Variants in GABRB1 observed in about 807,000 individuals in gnomAD.
The protein encoded by GABRB1 is gamma-aminobutyric acid type A receptor subunit beta1.
Under a neutral mutation model 51.6 loss-of-function variants are expected in GABRB1, and 17 were observed. The observed-to-expected ratio is 0.33, with a 90% CI of 0.23 to 0.49. The LOEUF is 0.49. Among genes scored for constraint, GABRB1 ranks in the 20% least tolerant of loss-of-function variants. GABRB1 has a pLI of 0.99. For missense variants in GABRB1, 410 were observed against 600.6 expected (o/e 0.68, Z 3.32); for synonymous variants, 247 against 218.9 (o/e 1.13, Z -1.14).
intron 3 of GABRB1, among the ~76,000 whole-genome samples, chr4:47,116,870 C>A (rs1214973175): frequency 6.6e-6 from 1 of 151,984 alleles, no homozygotes; most frequent in Non-Finnish European, 1.5e-5. Context: ...GGCAGAAGGG[C>A]AAGGGGAAGC....
intron 8 of GABRB1, among the ~76,000 whole-genome samples, 194 bp from the exon 9 acceptor site, chr4:47,425,480 T>TAGATA (rs112418414): frequency 1.2e-3 from 168 of 142,434 alleles, no homozygotes; most frequent in African/African-American, 3.6e-3. Flanking sequence ...TGGATGATGA[T>TAGATA]GATAGATAGA....
chr4:47,340,262 T>A (rs1400092665), intron 5 of GABRB1, among the ~76,000 whole-genome samples: 2 of 152,010 alleles, frequency 1.3e-5, no homozygotes, highest in African/African-American at 2.4e-5. Flanking sequence ...CTACCAACTA[T>A]CTTAGTCTCT....
intron 3 of GABRB1, among the ~76,000 whole-genome samples, chr4:47,052,565 C>A (rs1478837756): frequency 6.6e-6 from 1 of 152,202 alleles, no homozygotes; most frequent in African/African-American, 2.4e-5. Flanking sequence ...CACAGTGTGC[C>A]TTAAGACCCA....
intron 1 of GABRB1, among the ~76,000 whole-genome samples, chr4:46,996,405 G>C (rs1042312860): frequency 6.6e-6 from 1 of 152,104 alleles, no homozygotes; most frequent in African/African-American, 2.4e-5. Context: ...GATATAATAA[G>C]ATGCAAATAA....
At chr4:47,374,855 A>T (rs1016691549) in intron 5 of GABRB1, among the ~76,000 whole-genome samples, 9 of 152,214 alleles carry the variant, frequency 5.9e-5, no homozygotes, top group African/African-American at 2.2e-4. Flanking sequence ...AGCCAAAGGG[A>T]TGGATAGACA....
At chr4:47,269,990 G>C (rs1722798941) in intron 4 of GABRB1, among the ~76,000 whole-genome samples, 1 of 127,424 alleles carries the variant, frequency 7.8e-6, no homozygotes. Flanking sequence ...TGAGTCTGAT[G>C]ACTCTTAAAG....
At chr4:47,066,561 G>A (rs1727094672) in intron 3 of GABRB1, among the ~76,000 whole-genome samples, 1 of 152,164 alleles carries the variant, frequency 6.6e-6, no homozygotes, top group Non-Finnish European at 1.5e-5. Context: ...AATGGTCACA[G>A]CGTTTTCATT....
intron 5 of GABRB1, among the ~76,000 whole-genome samples, chr4:47,341,495 G>A (rs566202044): frequency 6.6e-6 from 1 of 152,236 alleles, no homozygotes; most frequent in East Asian, 1.9e-4. Context: ...AAAAATCTGG[G>A]ACACAACAAA....
At chr4:47,309,659 A>G (rs780012572) in intron 4 of GABRB1, among the ~76,000 whole-genome samples, 17 of 152,170 alleles carry the variant, frequency 1.1e-4, no homozygotes, top group Non-Finnish European at 2.5e-4. Context: ...AGCATACCTA[A>G]GACTTAAGAA....
At chr4:47,102,516 G>A (rs1308913419) in intron 3 of GABRB1, among the ~76,000 whole-genome samples, 9 of 151,936 alleles carry the variant, frequency 5.9e-5, no homozygotes, top group African/African-American at 1.2e-4. Flanking sequence ...AGTAACCTCC[G>A]CTAATTTGGG....
intron 4 of GABRB1, among the ~76,000 whole-genome samples, chr4:47,235,163 T>G (rs1721281974): frequency 6.6e-6 from 1 of 152,180 alleles, no homozygotes; most frequent in Admixed American, 6.6e-5. Context: ...CATTTCCATC[T>G]CATCCACCCT....
chr4:47,090,210 G>A lies in GABRB1; in HGVS notation c.240+57726G>A, dbSNP rs188311909. Among the ~76,000 whole-genome samples the A allele has an allele frequency of 2.7e-4, 41 of 152,262 alleles. 1 individual carries two copies. The highest frequency in any genetic ancestry group is 2.5e-3 in the Admixed American group (38 of 15,290). The stretch of plus-strand genomic sequence containing the variant: ...TTACTTTTATATCCTGTTATCAAAG[G>A]GGTTTGAATGACATGCTATTAATTG... On this transcript the variant is annotated intron_variant, in intron 3 of 8. Transcript: ENST00000295454.
chr4:47,300,606 A>T (rs895362298), intron 4 of GABRB1, among the ~76,000 whole-genome samples: 6 of 152,134 alleles, frequency 3.9e-5, no homozygotes, highest in Admixed American at 3.3e-4. Context: ...TCATACAATG[A>T]GAGGTAAAGA....
intron 4 of GABRB1, among the ~76,000 whole-genome samples, chr4:47,215,043 G>A (rs532028700): frequency 6.6e-6 from 1 of 151,862 alleles, no homozygotes; most frequent in Non-Finnish European, 1.5e-5. Flanking sequence ...CAGTAGTGTC[G>A]GTATGGCCAT....
chr4:47,169,554 T>G (rs1309461516), intron 4 of GABRB1, among the ~76,000 whole-genome samples: 1 of 151,414 alleles, frequency 6.6e-6, no homozygotes, highest in Non-Finnish European at 1.5e-5. Flanking sequence ...CAAGCTGGAG[T>G]GCAATGGCAC....
intron 3 of GABRB1, among the ~76,000 whole-genome samples, chr4:47,083,421 G>A (rs1256590748): frequency 2.0e-5 from 3 of 152,028 alleles, no homozygotes; most frequent in Non-Finnish European, 2.9e-5. Flanking sequence ...CATTTATGGC[G>A]ACTTACAGAT....
chr4:47,373,379 A>G (rs1727276301), intron 5 of GABRB1, among the ~76,000 whole-genome samples: 1 of 152,230 alleles, frequency 6.6e-6, no homozygotes, highest in South Asian at 2.1e-4. Context: ...TCTCTCCAGA[A>G]TGTAAAATAC....
At chr4:47,298,258 A>G (rs2109933418) in intron 4 of GABRB1, among the ~76,000 whole-genome samples, 2 of 152,314 alleles carry the variant, frequency 1.3e-5, no homozygotes, top group Non-Finnish European at 2.9e-5. Flanking sequence ...AGGCAGAAGG[A>G]AATAAAGGGT....
chr4:47,186,428 T>G (rs778611929), intron 4 of GABRB1, among the ~76,000 whole-genome samples: 1 of 151,858 alleles, frequency 6.6e-6, no homozygotes, highest in Non-Finnish European at 1.5e-5. Context: ...TAAACATTGA[T>G]TTATGGAAGA....
Sources: gnomAD v4.1 joint callset for allele counts (sites outside exome capture counted in the v4.1 genomes callset) on GRCh38, gnomAD v4.1.1 for gene constraint, MANE v1.5 for transcripts, NCBI Gene and HGNC (gene_info 2026-07-23, HGNC 2026-07-21) for gene names.